ANO2: variants seen among roughly 807,000 people sequenced by gnomAD.
The protein encoded by ANO2 is anoctamin-2.
A neutral mutation model predicts 124.2 loss-of-function variants in ANO2; 101 were observed. The ratio of observed to expected loss-of-function variants is 0.81; its 90% CI spans 0.69 to 0.96. ANO2 has a LOEUF of 0.96. Ranked by LOEUF, ANO2 falls within the 40% of genes least tolerant of loss-of-function variation. The probability of loss-of-function intolerance (pLI) is 0.00; values close to 1 mark genes in which losing one functional copy is unlikely to be tolerated. For missense variants in ANO2, 1,293 were observed against 1,274.5 expected, an observed-to-expected ratio of 1.01 and a Z score of -0.22; for synonymous variants, 486 against 482.5, an observed-to-expected ratio of 1.01 and a Z score of -0.09.
intron 4 of ANO2, among the ~76,000 whole-genome samples, chr12:5,833,573 G>C (rs143714718): frequency 6.6e-6 from 1 of 152,148 alleles, no homozygotes; most frequent in Non-Finnish European, 1.5e-5. Flanking sequence ...CAAACTGACC[G>C]GTACTGGTCC....
chr12:5,680,567 T>A (rs1591888128), intron 14 of ANO2, among the ~76,000 whole-genome samples: 1 of 152,146 alleles, frequency 6.6e-6, no homozygotes, highest in Non-Finnish European at 1.5e-5. Context: ...CTCAGAGAGC[T>A]GCCTTAGGAG....
intron 4 of ANO2, among the ~76,000 whole-genome samples, chr12:5,842,522 G>A (rs1954545039): frequency 6.6e-6 from 1 of 152,118 alleles, no homozygotes; most frequent in Non-Finnish European, 1.5e-5. Context: ...GCCCTTGGAT[G>A]GAGCCTCCGA....
intron 14 of ANO2, among the ~76,000 whole-genome samples, chr12:5,659,860 T>G (rs564611890): frequency 6.6e-6 from 1 of 152,318 alleles, no homozygotes; most frequent in South Asian, 2.1e-4. Flanking sequence ...GTGCCCTGCC[T>G]GGATTGGGAT....
intron 1 of ANO2, among the ~76,000 whole-genome samples, chr12:5,934,905 C>A (rs1205742680): frequency 6.6e-6 from 1 of 152,092 alleles, no homozygotes; most frequent in African/African-American, 2.4e-5. Context: ...TTCTCCTACC[C>A]AAAATGGACT....
chr12:5,830,449 T>C lies in ANO2; in HGVS notation c.826A>G (p.Thr276Ala), dbSNP rs773368142. 6.2e-7 allele frequency: 1 copy of C among 1,612,904 alleles called. No homozygotes were observed. The highest frequency in any genetic ancestry group is 1.7e-5 in the Admixed American group (1 of 59,916). Residue 276 changes from threonine to alanine, a missense_variant, in exon 6 of 25, where the codon ACC becomes GCC. Thr to Ala is a moderately conservative substitution (Grantham distance 58, BLOSUM62 0). Transcript: ENST00000682330. ...QEKDTFFDNA[T>A]RSRIVHEILK... ...CATTTACTTACAATGCGGCTGCGGG[T>C]GGCATTATCAAAGAAGGTGTCCTTT...
chr12:5,650,725 A>G (rs1946878318), intron 14 of ANO2, among the ~76,000 whole-genome samples: 1 of 152,268 alleles, frequency 6.6e-6, no homozygotes, highest in African/African-American at 2.4e-5. Flanking sequence ...TACAAAGAGA[A>G]GTAGGCTTGG....
chr12:5,847,729 C>T lies in ANO2; in HGVS notation c.633+6314G>A, dbSNP rs542164898. Among the ~76,000 whole-genome samples the T allele has an allele frequency of 3.3e-5, 5 of 152,314 alleles. No individual in the cohort carries two copies. In the South Asian group the frequency reaches 1.0e-3, roughly 32 times the overall value. ...CAAAGCTAAATGGAATTACCTTTCC[C>T]TCCTAAAGGGCCACTGAAGCTAACT... On this transcript the variant is annotated intron_variant, in intron 4 of 24. Coordinates refer to ENST00000682330, the MANE Select transcript of ANO2 (RefSeq NM_001364791.2).
At chr12:5,788,474 C>G (rs928932273) in intron 10 of ANO2, among the ~76,000 whole-genome samples, 1 of 152,230 alleles carries the variant, frequency 6.6e-6, no homozygotes, top group Non-Finnish European at 1.5e-5. Flanking sequence ...CACTTTAACT[C>G]CAGCACCTAA....
chr12:5,772,680 C>G (rs1242154877), intron 10 of ANO2, among the ~76,000 whole-genome samples: 2 of 152,002 alleles, frequency 1.3e-5, no homozygotes, highest in African/African-American at 2.4e-5. Flanking sequence ...ACAGCATGTG[C>G]CACACTTGTC....
At chr12:5,899,754 CAG>C (rs1213465638) in intron 3 of ANO2, among the ~76,000 whole-genome samples, 1 of 152,214 alleles carries the variant, frequency 6.6e-6, no homozygotes, top group African/African-American at 2.4e-5. Flanking sequence ...TGGTCTAGCA[CAG>C]AGTCTGCCAG....
intron 4 of ANO2, among the ~76,000 whole-genome samples, chr12:5,849,220 A>G (rs1487884257): frequency 1.3e-5 from 2 of 152,238 alleles, no homozygotes; most frequent in Non-Finnish European, 2.9e-5. Context: ...CATCCCAGGC[A>G]TGTCACTTCT....
At chr12:5,737,420 C>T (rs1429556366) in intron 13 of ANO2, among the ~76,000 whole-genome samples, 1 of 152,196 alleles carries the variant, frequency 6.6e-6, no homozygotes, top group African/African-American at 2.4e-5. Context: ...AATCTCACCC[C>T]TGCCAGGGAC....
chr12:5,797,505 C>A (rs1011762619), intron 10 of ANO2, among the ~76,000 whole-genome samples: 3 of 152,106 alleles, frequency 2.0e-5, no homozygotes, highest in Non-Finnish European at 4.4e-5. Context: ...GTAGCTGCTC[C>A]CTGCATGCTC....
intron 23 of ANO2, among the ~76,000 whole-genome samples, chr12:5,566,869 G>T (rs1297072189): frequency 6.6e-6 from 1 of 152,148 alleles, no homozygotes; most frequent in Admixed American, 6.5e-5. Flanking sequence ...CATCTTACCA[G>T]TGACCGCAGT....
At chr12:5,765,131 C>T (rs1951850927) in intron 10 of ANO2, among the ~76,000 whole-genome samples, 1 of 152,034 alleles carries the variant, frequency 6.6e-6, no homozygotes, top group South Asian at 2.1e-4. Flanking sequence ...AGTAAGAATG[C>T]AAGAAACAAA....
intron 20 of ANO2, among the ~76,000 whole-genome samples, chr12:5,588,839 G>C (rs1445359727): frequency 6.6e-6 from 1 of 152,096 alleles, no homozygotes; most frequent in Non-Finnish European, 1.5e-5. Context: ...CTCATTCTCT[G>C]GTCTAATTCC....
At chr12:5,772,545 T>C (rs908447024) in intron 10 of ANO2, among the ~76,000 whole-genome samples, 2 of 152,260 alleles carry the variant, frequency 1.3e-5, no homozygotes, top group Non-Finnish European at 1.5e-5. Flanking sequence ...AATATGATGA[T>C]AAATTTTAAT....
chr12:5,796,823 G>A (rs1424761608), intron 10 of ANO2, among the ~76,000 whole-genome samples: 1 of 152,228 alleles, frequency 6.6e-6, no homozygotes, highest in South Asian at 2.1e-4. Context: ...CTGCGGAAGG[G>A]GAAGGAGAGC....
chr12:5,883,420 T>C lies in ANO2; in HGVS notation c.535-29279A>G, dbSNP rs1212924131. Among the ~76,000 whole-genome samples the C allele has an allele frequency of 2.6e-5, 4 of 152,148 alleles. No homozygotes were observed. The East Asian group carries it at 5.8e-4, about 22-fold the overall frequency. ...ATATGCATCCTGAGTAAACTTCTCT[T>C]GCTCAGTCATTTATGCCACTGATTG... On this transcript the variant is annotated intron_variant, in intron 3 of 24. Coordinates refer to ENST00000682330, the MANE Select transcript of ANO2 (RefSeq NM_001364791.2).
Sources: gnomAD v4.1 joint callset for allele counts (sites outside exome capture counted in the v4.1 genomes callset) on GRCh38, gnomAD v4.1.1 for gene constraint, MANE v1.5 for transcripts, NCBI Gene and HGNC (gene_info 2026-07-23, HGNC 2026-07-21) for gene names.